Variants in GALNT14 observed in about 807,000 individuals in gnomAD.
GALNT14 encodes the protein polypeptide N-acetylgalactosaminyltransferase 14.
GALNT14 carries 60 observed loss-of-function variants against 77.5 expected under a neutral mutation model. That is an observed-to-expected ratio of 0.77 (90% CI 0.63 to 0.96). The LOEUF is 0.96. GALNT14 is among the 40% of genes least tolerant of loss of function. The pLI is 0.00. For synonymous variants in GALNT14, 280 were observed against 281.7 expected (o/e 0.99, Z 0.06); for missense variants, 710 against 731.0 (o/e 0.97, Z 0.33).
At chr2:30,917,992 G>T (rs1664786200) in intron 13 of GALNT14, among the ~76,000 whole-genome samples, 1 of 152,194 alleles carries the variant, frequency 6.6e-6, no homozygotes, top group South Asian at 2.1e-4. Flanking sequence ...TGCAGTGATT[G>T]TACCAACTGT....
chr2:30,914,687 A>T (rs897105888), intron 13 of GALNT14, among the ~76,000 whole-genome samples: 3 of 152,144 alleles, frequency 2.0e-5, no homozygotes, highest in African/African-American at 7.2e-5. Flanking sequence ...TGCATATCCA[A>T]GCTGAGTCAT....
chr2:30,905,958 A>C (rs1243207456), downstream of GALNT14, among the ~76,000 whole-genome samples: 1 of 151,918 alleles, frequency 6.6e-6, no homozygotes, highest in Admixed American at 6.6e-5. Flanking sequence ...ATCCAGCCAA[A>C]CTAAGCTTCA....
chr2:31,049,412 C>A (rs1051934658), intron 1 of GALNT14, among the ~76,000 whole-genome samples: 5 of 152,238 alleles, frequency 3.3e-5, no homozygotes, highest in Admixed American at 3.3e-4. Context: ...CAGAGCTGAG[C>A]TGGCTCAGCT....
chr2:31,043,692 T>G (rs1350719537), intron 1 of GALNT14, among the ~76,000 whole-genome samples: 1 of 152,128 alleles, frequency 6.6e-6, no homozygotes, highest in East Asian at 1.9e-4. Flanking sequence ...ATAAATTATT[T>G]AATTCATTCA....
At chr2:30,983,311 T>C (rs1170599967) in intron 2 of GALNT14, among the ~76,000 whole-genome samples, 1 of 138,710 alleles carries the variant, frequency 7.2e-6, no homozygotes, top group Non-Finnish European at 1.6e-5. Context: ...TTTCAGTCTG[T>C]TTTTTTTGTT....
intron 1 of GALNT14, among the ~76,000 whole-genome samples, chr2:31,051,361 C>A (rs972450804): frequency 1.3e-5 from 2 of 152,176 alleles, no homozygotes; most frequent in Non-Finnish European, 2.9e-5. Context: ...AAGCAGATTA[C>A]CCTCCATAAT....
intron 4 of GALNT14, among the ~76,000 whole-genome samples, chr2:30,956,544 T>C (rs945158245): frequency 6.6e-6 from 1 of 152,240 alleles, no homozygotes; most frequent in African/African-American, 2.4e-5. Context: ...AATCTCGCTG[T>C]CGCCCAGGTT....
At chr2:31,008,819 C>T (rs931124343) in intron 1 of GALNT14, among the ~76,000 whole-genome samples, 19 of 152,182 alleles carry the variant, frequency 1.2e-4, no homozygotes, top group African/African-American at 4.1e-4. Flanking sequence ...CAGTCGACAC[C>T]GCTCCGGGAG....
chr2:31,076,724 T>C (rs1044750393), intron 1 of GALNT14, among the ~76,000 whole-genome samples: 4 of 151,902 alleles, frequency 2.6e-5, no homozygotes, highest in African/African-American at 9.7e-5. Context: ...GCAATAATAC[T>C]GTCTTACTGA....
intron 3 of GALNT14, among the ~76,000 whole-genome samples, chr2:30,959,549 A>C (rs779247711): frequency 2.1e-4 from 32 of 152,238 alleles, no homozygotes; most frequent in Non-Finnish European, 3.4e-4. Context: ...TGCAGCAAAG[A>C]ATCCCATCTA....
At chr2:30,910,009 A>G (rs1014019797), downstream of GALNT14, among the ~76,000 whole-genome samples, 20 of 140,902 alleles carry the variant, frequency 1.4e-4, no homozygotes, top group Admixed American at 1.0e-3. Context: ...GAATTAAACA[A>G]TGAGATCACA....
chr2:30,981,595 G>T (rs1200506937), intron 2 of GALNT14, among the ~76,000 whole-genome samples: 1 of 152,098 alleles, frequency 6.6e-6, no homozygotes, highest in Admixed American at 6.5e-5. Flanking sequence ...CTGATGCTCT[G>T]CAGGGCCCTG....
At chr2:30,904,197 C>A in the GALNT14 span, among the ~76,000 whole-genome samples, 1 of 152,250 alleles carries the variant, frequency 6.6e-6, no homozygotes, top group East Asian at 1.9e-4. Context: ...AACCCCTGAT[C>A]TGGGGAGGAG....
At chr2:31,055,108 T>C (rs1674128019) in intron 1 of GALNT14, among the ~76,000 whole-genome samples, 1 of 152,206 alleles carries the variant, frequency 6.6e-6, no homozygotes, top group Non-Finnish European at 1.5e-5. Flanking sequence ...AAAGAAATCA[T>C]GCTCTAGAGA....
intron 1 of GALNT14, among the ~76,000 whole-genome samples, chr2:31,100,629 G>C (rs917541441): frequency 2.0e-5 from 3 of 151,744 alleles, no homozygotes; most frequent in African/African-American, 7.3e-5. Context: ...GTTCTTTAGT[G>C]ATAATTCCTT....
the GALNT14 span, among the ~76,000 whole-genome samples, chr2:30,895,280 G>A: frequency 6.6e-6 from 1 of 152,132 alleles, no homozygotes; most frequent in Admixed American, 6.5e-5. Flanking sequence ...TGGGGGAACC[G>A]ACACATGGAC....
At chr2:31,047,772 A>T (rs1187587768) in intron 1 of GALNT14, among the ~76,000 whole-genome samples, 2 of 152,220 alleles carry the variant, frequency 1.3e-5, no homozygotes, top group Admixed American at 1.3e-4. Flanking sequence ...AAACTCTGCA[A>T]GCAGGTCCTG....
At chr2:30,954,623 G>C (rs190077680) in intron 6 of GALNT14, among the ~76,000 whole-genome samples, 20 of 152,304 alleles carry the variant, frequency 1.3e-4, no homozygotes, top group Admixed American at 1.2e-3. Context: ...ATGTTGGGAA[G>C]GATTTCCTTG....
At chr2:31,008,706 T>G (rs1670831499) in intron 1 of GALNT14, among the ~76,000 whole-genome samples, 1 of 152,208 alleles carries the variant, frequency 6.6e-6, no homozygotes, top group Non-Finnish European at 1.5e-5. Context: ...AGTAGGTCAT[T>G]AGTGGTAAAG....
Sources: gnomAD v4.1 joint callset for allele counts (sites outside exome capture counted in the v4.1 genomes callset) on GRCh38, gnomAD v4.1.1 for gene constraint, MANE v1.5 for transcripts, NCBI Gene and HGNC (gene_info 2026-07-23, HGNC 2026-07-21) for gene names.